The following ADAM12 variants were observed in gnomAD, a reference collection of about 807,000 sequenced individuals.
The protein encoded by ADAM12 is ADAM metallopeptidase domain 12, also known as disintegrin and metalloproteinase domain-containing protein 12.
A neutral mutation model predicts 106.4 loss-of-function variants in ADAM12; 70 were observed. The observed-to-expected ratio is 0.66, with a 90% confidence interval of 0.54 to 0.80. The LOEUF (loss-of-function observed/expected upper bound fraction) is 0.80, where lower values mean the gene tolerates loss of function less well. ADAM12 is among the 30% of genes least tolerant of loss of function. ADAM12 has a pLI of 0.00. For missense variants in ADAM12, 1,010 were observed against 1,171.9 expected (o/e 0.86, Z 2.02); for synonymous variants, 420 against 433.5 (o/e 0.97, Z 0.39).
At chr10:126,341,611 C>T (rs554469528) in intron 1 of ADAM12, among the ~76,000 whole-genome samples, 18 of 152,182 alleles carry the variant, frequency 1.2e-4, no homozygotes, top group Non-Finnish European at 2.5e-4. Context: ...ACATTTTGTT[C>T]ATTATCTACC....
chr10:126,201,265 T>C (rs1266858161), intron 3 of ADAM12, among the ~76,000 whole-genome samples: 1 of 152,144 alleles, frequency 6.6e-6, no homozygotes, highest in Non-Finnish European at 1.5e-5. Context: ...CCAAGCTAAG[T>C]TGAGGTCATA....
intron 3 of ADAM12, among the ~76,000 whole-genome samples, chr10:126,262,510 C>G (rs1335889028): frequency 6.6e-6 from 1 of 152,140 alleles, no homozygotes; most frequent in East Asian, 1.9e-4. Context: ...TCAAAAAGAG[C>G]AGTATGATTA....
chr10:126,283,621 C>T (rs924547979), intron 2 of ADAM12, among the ~76,000 whole-genome samples: 4 of 152,142 alleles, frequency 2.6e-5, no homozygotes, highest in African/African-American at 9.7e-5. Context: ...AATACTTGCT[C>T]ATGTTTTCTG....
chr10:126,327,072 C>G (rs1258558453), intron 2 of ADAM12, among the ~76,000 whole-genome samples: 2 of 151,982 alleles, frequency 1.3e-5, no homozygotes, highest in East Asian at 3.9e-4. Flanking sequence ...TGGCCCCATG[C>G]TATGGCACCA....
At chr10:126,328,626 C>G (rs753953874) in intron 2 of ADAM12, among the ~76,000 whole-genome samples, 8 of 152,210 alleles carry the variant, frequency 5.3e-5, no homozygotes, top group Non-Finnish European at 1.2e-4. Flanking sequence ...TGGCCATACA[C>G]TGATGCCATA....
At chr10:126,221,021 G>T (rs904337113) in intron 3 of ADAM12, among the ~76,000 whole-genome samples, 2 of 152,246 alleles carry the variant, frequency 1.3e-5, no homozygotes, top group Non-Finnish European at 2.9e-5. Context: ...TTGATGGGCA[G>T]TTCTCAGTCA....
chr10:126,249,450 A>C (rs774054979), intron 3 of ADAM12, among the ~76,000 whole-genome samples: 1 of 152,234 alleles, frequency 6.6e-6, no homozygotes, highest in Non-Finnish European at 1.5e-5. Context: ...CTGTAATCCC[A>C]GCACTTCGGG....
chr10:126,112,201 C>T (rs1955882081), intron 6 of ADAM12, among the ~76,000 whole-genome samples: 1 of 151,610 alleles, frequency 6.6e-6, no homozygotes, highest in South Asian at 2.1e-4. Flanking sequence ...GGGAGGGGAA[C>T]AACACACACC....
At chr10:126,174,465 CAGGGCCGGGGCTTGCATT>C (rs1393937236) in intron 3 of ADAM12, among the ~76,000 whole-genome samples, 1 of 152,140 alleles carries the variant, frequency 6.6e-6, no homozygotes, top group Non-Finnish European at 1.5e-5. Flanking sequence ...AGGCCGAGTT[CAGGGCCGGGGCTTGCATT>C]AGGGTGTCGT....
intron 5 of ADAM12, among the ~76,000 whole-genome samples, chr10:126,128,525 TGTGA>T (rs1249880259): frequency 2.0e-5 from 3 of 152,230 alleles, no homozygotes; most frequent in African/African-American, 4.8e-5. Flanking sequence ...TGGGTACGCA[TGTGA>T]GTGTGTGGTG....
At chr10:126,325,363 G>A (rs2133842160) in intron 2 of ADAM12, among the ~76,000 whole-genome samples, 1 of 152,366 alleles carries the variant, frequency 6.6e-6, no homozygotes, top group South Asian at 2.1e-4. Flanking sequence ...AGGCAAGCCA[G>A]TGAATGCGGA....
chr10:126,345,844 G>A (rs1346059164), intron 1 of ADAM12, among the ~76,000 whole-genome samples: 1 of 152,156 alleles, frequency 6.6e-6, no homozygotes, highest in Non-Finnish European at 1.5e-5. Context: ...ATGGTAGTTT[G>A]TATTTCTGTA....
At chr10:126,340,245 A>C (rs896238068) in intron 1 of ADAM12, among the ~76,000 whole-genome samples, 1 of 152,228 alleles carries the variant, frequency 6.6e-6, no homozygotes, top group African/African-American at 2.4e-5. Context: ...AGAATGGATA[A>C]ATGAGAACTA....
chr10:126,209,488 T>C (rs532718057), intron 3 of ADAM12, among the ~76,000 whole-genome samples: 12 of 152,340 alleles, frequency 7.9e-5, no homozygotes, highest in African/African-American at 2.9e-4. Context: ...TGGGGTGTCC[T>C]ATTGTCACAC....
chr10:126,104,633 C>T (rs926768769), intron 8 of ADAM12, among the ~76,000 whole-genome samples: 5 of 152,056 alleles, frequency 3.3e-5, no homozygotes, highest in Non-Finnish European at 5.9e-5. Context: ...GTGCACTCCC[C>T]GGGCTCCTGT....
chr10:126,032,009 G>A, intron 21 of ADAM12, among the ~76,000 whole-genome samples: 1 of 152,208 alleles, frequency 6.6e-6, no homozygotes, highest in Middle Eastern at 3.2e-3. Flanking sequence ...AGGTATGTTT[G>A]TGGACAAGAG....
chr10:126,195,557 A>C (rs1957581806), intron 3 of ADAM12, among the ~76,000 whole-genome samples: 1 of 152,172 alleles, frequency 6.6e-6, no homozygotes, highest in African/African-American at 2.4e-5. Flanking sequence ...CTGGGCAATA[A>C]GAGCAAAACT....
intron 3 of ADAM12, among the ~76,000 whole-genome samples, chr10:126,234,275 G>A (rs1237268351): frequency 2.6e-5 from 4 of 152,034 alleles, no homozygotes; most frequent in Non-Finnish European, 1.5e-5. Context: ...TAATTATCAT[G>A]GGCTGCATTT....
intron 3 of ADAM12, among the ~76,000 whole-genome samples, chr10:126,248,394 C>A (rs1958671701): frequency 6.6e-6 from 1 of 152,164 alleles, no homozygotes; most frequent in South Asian, 2.1e-4. Context: ...TGACTCTCAA[C>A]CAGGACACAC....
Sources: allele counts gnomAD v4.1 joint callset (sites outside exome capture counted in the v4.1 genomes callset), GRCh38; gene constraint gnomAD v4.1.1; transcripts MANE v1.5; gene names NCBI Gene and HGNC (gene_info 2026-07-23, HGNC 2026-07-21).